CACNA1C: variants seen among roughly 807,000 people sequenced by gnomAD.
CACNA1C encodes voltage-dependent L-type calcium channel subunit alpha-1C.
CACNA1C carries 30 observed loss-of-function variants against 229.0 expected under a neutral mutation model. The observed-to-expected ratio is 0.13, with a 90% CI of 0.10 to 0.18. CACNA1C has a LOEUF of 0.18. Ranked by LOEUF, CACNA1C falls within the 10% of genes least tolerant of loss-of-function variation. CACNA1C has a pLI of 1.00. For synonymous variants in CACNA1C, 1,114 were observed against 1,132.5 expected (o/e 0.98, Z 0.33); for missense variants, 1,658 against 2,845.0 (o/e 0.58, Z 9.49).
At chr12:2,374,386 T>G (rs896515972) in intron 3 of CACNA1C, among the ~76,000 whole-genome samples, 5 of 152,258 alleles carry the variant, frequency 3.3e-5, no homozygotes, top group African/African-American at 1.2e-4. Context: ...GGGGCCTCCC[T>G]AAGCCCTGCT....
chr12:2,640,949 G>A (rs2093621239), intron 30 of CACNA1C, among the ~76,000 whole-genome samples: 1 of 152,226 alleles, frequency 6.6e-6, no homozygotes, highest in South Asian at 2.1e-4. Context: ...CTCTCGGCCT[G>A]CAACCCACAG....
intron 5 of CACNA1C, among the ~76,000 whole-genome samples, chr12:2,462,915 T>A (rs1369442632): frequency 2.7e-5 from 4 of 149,660 alleles, no homozygotes; most frequent in Admixed American, 6.6e-5. Context: ...GTTGCATTTT[T>A]TTTTTTTTTT....
chr12:2,188,368 T>C (rs2097108422), intron 3 of CACNA1C, among the ~76,000 whole-genome samples: 1 of 152,244 alleles, frequency 6.6e-6, no homozygotes, highest in Non-Finnish European at 1.5e-5. Flanking sequence ...TAGATAACTA[T>C]GGATCGAGAT....
intron 2 of CACNA1C, among the ~76,000 whole-genome samples, chr12:2,117,160 G>T (rs1176663886): frequency 6.6e-6 from 1 of 152,126 alleles, no homozygotes; most frequent in East Asian, 1.9e-4. Flanking sequence ...AATTCCAGCT[G>T]CTCGGGAGGC....
At chr12:2,184,755 C>T (rs1369947880) in intron 3 of CACNA1C, among the ~76,000 whole-genome samples, 1 of 152,198 alleles carries the variant, frequency 6.6e-6, no homozygotes, top group Non-Finnish European at 1.5e-5. Flanking sequence ...GGAAGACAGG[C>T]AAACAAGGCG....
intron 11 of CACNA1C, among the ~76,000 whole-genome samples, chr12:2,564,886 C>G (rs1373914818): frequency 6.6e-6 from 1 of 152,074 alleles, no homozygotes; most frequent in East Asian, 1.9e-4. Context: ...GTGGGGTGTT[C>G]CAATCCAACC....
rs543161701 is a variant in CACNA1C at position 2,083,213 on chromosome 12, C to A, written c.49+29602C>A. 1.1e-4 allele frequency among the ~76,000 whole-genome samples: 16 copies of A among 152,302 alleles called. No individual in the cohort carries two copies. In the South Asian group the frequency reaches 2.9e-3, roughly 28 times the overall value. On this transcript the variant is annotated intron_variant, in intron 1 of 46. Transcript: ENST00000399655. Reference sequence around the variant, plus strand: ...CAAAGGGATTCCTGATTTAAACTGTCAGTGTTAAAAGGCCTGGTGGACAGA... The same window carrying A: ...CAAAGGGATTCCTGATTTAAACTGTAAGTGTTAAAAGGCCTGGTGGACAGA...
chr12:2,249,082 A>C (rs1044066234), intron 3 of CACNA1C, among the ~76,000 whole-genome samples: 8 of 152,086 alleles, frequency 5.3e-5, no homozygotes, highest in African/African-American at 1.9e-4. Context: ...GTCAGTAGAG[A>C]GGTAAGGAGG....
chr12:2,016,875 G>T (rs1414555302), intron 1 of CACNA1C, among the ~76,000 whole-genome samples: 1 of 152,150 alleles, frequency 6.6e-6, no homozygotes, highest in Non-Finnish European at 1.5e-5. Flanking sequence ...ACGTGGCCTG[G>T]GCATTGAGTT....
At chr12:2,652,615 G>A (rs184888017) in intron 32 of CACNA1C, among the ~76,000 whole-genome samples, 2 of 152,352 alleles carry the variant, frequency 1.3e-5, no homozygotes, top group Admixed American at 1.3e-4. Context: ...CCGGGGACAG[G>A]GCATGCCTGG....
intron 1 of CACNA1C, among the ~76,000 whole-genome samples, chr12:2,017,016 G>A (rs1391080015): frequency 6.6e-6 from 1 of 152,194 alleles, no homozygotes; most frequent in African/African-American, 2.4e-5. Context: ...GGAGTCTTCT[G>A]GGACCACGTT....
chr12:2,581,851 G>A (rs950678956), intron 14 of CACNA1C, 54 bp downstream of exon 14: 1 of 1,144,112 alleles, frequency 8.7e-7, no homozygotes, highest in Non-Finnish European at 1.3e-6. Context: ...GTGGCGGGGT[G>A]GTGGGAGGAG....
chr12:2,582,322 A>T (rs1246022025), intron 14 of CACNA1C, among the ~76,000 whole-genome samples: 1 of 152,172 alleles, frequency 6.6e-6, no homozygotes, highest in Non-Finnish European at 1.5e-5. Context: ...TTGTGATTTC[A>T]TAGATATTTT....
At chr12:2,369,425 G>C (rs1320572234) in intron 3 of CACNA1C, among the ~76,000 whole-genome samples, 1 of 145,652 alleles carries the variant, frequency 6.9e-6, no homozygotes, top group Non-Finnish European at 1.5e-5. Flanking sequence ...TTGAGACAAA[G>C]TCTCGCTCTG....
At chr12:2,216,574 GC>G (rs903827177) in intron 3 of CACNA1C, among the ~76,000 whole-genome samples, 4 of 152,100 alleles carry the variant, frequency 2.6e-5, no homozygotes, top group African/African-American at 9.7e-5. Context: ...AAAGAGAAGG[GC>G]CCCCCAGAAG....
intron 3 of CACNA1C, among the ~76,000 whole-genome samples, chr12:2,281,388 T>C (rs1591576180): frequency 1.3e-5 from 2 of 152,078 alleles, no homozygotes; most frequent in African/African-American, 2.4e-5. Context: ...TTCCTTTATG[T>C]AGATCCACAC....
rs1376767127 is a variant in CACNA1C at position 2,578,376 on chromosome 12, T to C, written c.1896-3214T>C. On this transcript the variant is annotated intron_variant, in intron 13 of 46. Transcript: ENST00000399655. ...AAGGGGAGTGCAGCTGGCTGGTCCC[T>C]GAGGCTCTGGGCCCAGAATCTACAG... is the stretch of plus-strand genomic sequence containing the variant. 3.3e-5 allele frequency among the ~76,000 whole-genome samples: 5 copies of C among 152,212 alleles called. No homozygotes were observed. The East Asian group carries it at 9.7e-4, about 29-fold the overall frequency.
chr12:2,592,601 G>A (rs2065910154), intron 18 of CACNA1C, among the ~76,000 whole-genome samples: 1 of 152,214 alleles, frequency 6.6e-6, no homozygotes, highest in Admixed American at 6.5e-5. Context: ...CCACTGGCTG[G>A]GAGAACGAAG....
In CACNA1C at chr12:2,354,240, G is replaced by A. The variant is rs888686286; in HGVS notation, c.478-94736G>A. 3.2e-4 allele frequency among the ~76,000 whole-genome samples: 48 copies of A among 152,138 alleles called. No individual in the cohort carries two copies. Among genetic ancestry groups the A allele is most frequent in the African/African-American group, 1.1e-3 (44 of 41,434 alleles). ...AGGCTGCCCGAGTCCCTCTGTCCTC[G>A]CACCCTCACCTGGCTCTCTTGCCTA... On this transcript the variant is annotated intron_variant, in intron 3 of 46. Coordinates refer to ENST00000399655, the MANE Select transcript of CACNA1C (RefSeq NM_000719.7). The surrounding 1 kb of genome is among the most constrained non-coding windows in gnomAD (Gnocchi z 4.6).
Sources: allele counts gnomAD v4.1 joint callset (sites outside exome capture counted in the v4.1 genomes callset), GRCh38; gene constraint gnomAD v4.1.1; non-coding constraint Gnocchi (gnomAD v3.1); transcripts MANE v1.5; gene names NCBI Gene and HGNC (gene_info 2026-07-23, HGNC 2026-07-21).